POLR3B: variants seen among roughly 807,000 people sequenced by gnomAD.
POLR3B encodes DNA-directed RNA polymerase III subunit RPC2.
Under a neutral mutation model 147.4 loss-of-function variants are expected in POLR3B, and 96 were observed. That is an observed-to-expected ratio of 0.65 (90% CI 0.55 to 0.77). The LOEUF is 0.77. POLR3B is among the 30% of genes least tolerant of loss of function. The pLI, the probability that POLR3B is intolerant of heterozygous loss-of-function variation, is 0.00. For synonymous variants in POLR3B, 461 were observed against 485.9 expected, an observed-to-expected ratio of 0.95 and a Z score of 0.67; for missense variants, 1,036 against 1,413.5, an observed-to-expected ratio of 0.73 and a Z score of 4.28.
In POLR3B at chr12:106,501,308, T is replaced by C; in HGVS notation, c.2985-15T>C. The C allele has an allele frequency of 6.5e-7, 1 of 1,538,570 alleles. No homozygotes were observed. The highest frequency in any genetic ancestry group is 9.0e-7 in the Non-Finnish European group (1 of 1,111,018). ...ACTTAGTTTCTTAACCCACAACAAT[T>C]GATCTTTCTTTCAGTGAGCCCTTAG... On this transcript the variant is annotated splice_polypyrimidine_tract_variant and intron_variant, in intron 25 of 27. Transcript: ENST00000228347.
intron 25 of POLR3B, among the ~76,000 whole-genome samples, chr12:106,501,019 G>C (rs2038591800): frequency 6.6e-6 from 1 of 152,188 alleles, no homozygotes; most frequent in Non-Finnish European, 1.5e-5. Context: ...ATTATCTGTG[G>C]TAGCCCAAGC....
intron 23 of POLR3B, among the ~76,000 whole-genome samples, chr12:106,492,049 C>G (rs760441546): frequency 1.1e-4 from 16 of 152,156 alleles, no homozygotes; most frequent in Non-Finnish European, 1.9e-4. Flanking sequence ...AAAAACATCT[C>G]TTGAATTAGA....
chr12:106,483,069 A>G (rs2038291095), intron 23 of POLR3B, among the ~76,000 whole-genome samples: 1 of 152,174 alleles, frequency 6.6e-6, no homozygotes, highest in Non-Finnish European at 1.5e-5. Context: ...GTTATCCCTC[A>G]GTATATGCTG....
chr12:106,369,172 G>A, intron 4 of POLR3B, 103 bp from the exon 5 acceptor site: 1 of 773,872 alleles, frequency 1.3e-6, no homozygotes. Flanking sequence ...ACCAAGATAA[G>A]CATTTATCAA....
At chr12:106,454,288 A>AT (rs1293455498) in intron 19 of POLR3B, among the ~76,000 whole-genome samples, 11 of 152,088 alleles carry the variant, frequency 7.2e-5, no homozygotes, top group Non-Finnish European at 1.2e-4. Flanking sequence ...TATACTTTAT[A>AT]TTTTTCCTTC....
Position 106,369,680 on chromosome 12 carries a change from G to T in POLR3B, c.401G>T (p.Gly134Val), listed in dbSNP as rs1302921828. 1 of 1,597,928 alleles carries T rather than the reference G, an allele frequency of 6.3e-7. No homozygotes were observed. The highest frequency in any genetic ancestry group is 8.6e-7 in the Non-Finnish European group (1 of 1,165,466). ...ATCATCCGCAATGCCTTACCTATCG[G>T]CAGGTGAGAAATGAAATCCGTATTA... ...QRIIRNALPI[G>V]RMPIMLRSSN... is the part of the protein sequence containing the mutation. The change falls in exon 6 of 28, where the codon GGC (glycine) becomes GTC (valine). Residue 134 changes from glycine to valine, a missense_variant. Gly to Val is a moderately radical substitution (Grantham distance 109). This residue lies in a region of POLR3B where 217 missense variants were observed against 288.7 expected (regional missense o/e 0.75). Coordinates refer to ENST00000228347, the MANE Select transcript of POLR3B (RefSeq NM_018082.6).
intron 23 of POLR3B, among the ~76,000 whole-genome samples, chr12:106,467,922 AT>A (rs1225350936): frequency 6.6e-6 from 1 of 151,826 alleles, no homozygotes; most frequent in Non-Finnish European, 1.5e-5. Context: ...CTCTTTTTTT[AT>A]TGTATCTCTG....
At chr12:106,413,041 C>G (rs1190027935) in intron 12 of POLR3B, among the ~76,000 whole-genome samples, 1 of 152,020 alleles carries the variant, frequency 6.6e-6, no homozygotes, top group Non-Finnish European at 1.5e-5. Flanking sequence ...ATACATATAT[C>G]AGATATATGA....
chr12:106,484,089 A>G (rs1188547538), intron 23 of POLR3B, among the ~76,000 whole-genome samples: 1 of 152,158 alleles, frequency 6.6e-6, no homozygotes, highest in Non-Finnish European at 1.5e-5. Context: ...GCTGCCTGGT[A>G]AAGGAAGCCC....
At position 106,504,879 on chromosome 12, in the gene POLR3B, A is replaced by C. The variant is rs2038661554; in HGVS notation, c.3272+625A>C. Among the ~76,000 whole-genome samples the C allele has an allele frequency of 6.6e-6, 1 of 152,176 alleles. No homozygotes were observed. Among genetic ancestry groups the C allele is most frequent in the Non-Finnish European group, 1.5e-5 (1 of 68,028 alleles). On this transcript the variant is annotated intron_variant, in intron 27 of 27. Transcript: ENST00000228347. This position sits in a 1 kb window ranked among gnomAD's most constrained non-coding sequence, Gnocchi z 4.6. ...TGTCAGACACTGTTCTAGGCCCTAG[A>C]AATGCAGCAGTGAACAAGACAGTGG...
intron 23 of POLR3B, among the ~76,000 whole-genome samples, chr12:106,478,788 G>C (rs1251507194): frequency 6.6e-6 from 1 of 151,850 alleles, no homozygotes; most frequent in Non-Finnish European, 1.5e-5. Context: ...AACAAGAAAG[G>C]GTTCTTTGTA....
At chr12:106,480,491 C>T (rs1381405761) in intron 23 of POLR3B, among the ~76,000 whole-genome samples, 1 of 152,106 alleles carries the variant, frequency 6.6e-6, no homozygotes. Flanking sequence ...CAGGCAGGGG[C>T]AGGGACTGGA....
chr12:106,440,130 C>T (rs1359398059), intron 18 of POLR3B, among the ~76,000 whole-genome samples: 1 of 152,158 alleles, frequency 6.6e-6, no homozygotes, highest in Non-Finnish European at 1.5e-5. Context: ...CCATAAATGA[C>T]AGTTCCATCG....
chr12:106,443,453 G>T lies in POLR3B; in HGVS notation c.1956-1010G>T, dbSNP rs1324131111. The stretch of plus-strand genomic sequence containing the variant: ...GTCACACTAGCCCGGCATTTCAAGT[G>T]CTCAGTAGCCACAGTTATCTAGTGT... On this transcript the variant is annotated intron_variant, in intron 18 of 27. Transcript: ENST00000228347. Among the ~76,000 whole-genome samples, 4 of 151,952 alleles carry T rather than the reference G, an allele frequency of 2.6e-5. No individual in the cohort carries two copies. The South Asian group carries it at 6.2e-4, about 24-fold the overall frequency.
chr12:106,459,360 A>G lies in POLR3B; in HGVS notation c.2562A>G (p.Val854=). 6.7e-7 allele frequency: 1 copy of G among 1,499,192 alleles called. No homozygotes were observed. The highest frequency in any genetic ancestry group is 1.1e-5 in the South Asian group (1 of 88,792). The allele number at this position is 1,499,192 out of a possible 1,614,324, so 92.9% of individuals were successfully genotyped here. ...CACAGCAACCACAGTACAAAGATGT[A>G]CCCATAACGTATGTATTGGTTGTGC... ...NVPQQPQYKD[V]PITYKGATDS... is the part of the protein sequence containing the mutation. Residue 854 remains valine (V), a synonymous_variant, in exon 22 of 28, where the codon GTA becomes GTG. Transcript: ENST00000228347.
intron 23 of POLR3B, among the ~76,000 whole-genome samples, chr12:106,494,448 T>C (rs2137072003): frequency 6.6e-6 from 1 of 152,262 alleles, no homozygotes; most frequent in South Asian, 2.1e-4. Flanking sequence ...ACCCTCCATC[T>C]CCTCACCAGC....
At chr12:106,360,477 G>T (rs947913801) in intron 1 of POLR3B, among the ~76,000 whole-genome samples, 4 of 152,142 alleles carry the variant, frequency 2.6e-5, no homozygotes, top group African/African-American at 9.7e-5. Context: ...CCCTAGGAAG[G>T]CCTTTCCTGA....
intron 11 of POLR3B, among the ~76,000 whole-genome samples, chr12:106,409,137 C>A (rs566019095): frequency 6.6e-6 from 1 of 152,108 alleles, no homozygotes; most frequent in East Asian, 1.9e-4. Flanking sequence ...TTCTCATTAA[C>A]AAGAAAGATA....
At chr12:106,425,331 G>A (rs188509549) in intron 12 of POLR3B, among the ~76,000 whole-genome samples, 8 of 152,204 alleles carry the variant, frequency 5.3e-5, no homozygotes, top group Non-Finnish European at 8.8e-5. Flanking sequence ...CTTCTCTCTG[G>A]CATTGCACCT....
Sources: allele counts gnomAD v4.1 joint callset (sites outside exome capture counted in the v4.1 genomes callset), GRCh38; gene constraint gnomAD v4.1.1; regional missense constraint gnomAD v4.1.1; non-coding constraint Gnocchi (gnomAD v3.1); transcripts MANE v1.5; gene names NCBI Gene and HGNC (gene_info 2026-07-23, HGNC 2026-07-21).